ESYT2: variants seen among roughly 807,000 people sequenced by gnomAD.
The protein encoded by ESYT2 is extended synaptotagmin 2, also known as extended synaptotagmin-2.
ESYT2 carries 54 observed loss-of-function variants against 107.2 expected under a neutral mutation model. The observed-to-expected ratio is 0.50, with a 90% CI of 0.40 to 0.63. The LOEUF is 0.63. Ranked by LOEUF, ESYT2 falls within the 30% of genes least tolerant of loss-of-function variation. The pLI, the probability that ESYT2 is intolerant of heterozygous loss-of-function variation, is 0.00. For missense variants in ESYT2, 1,020 were observed against 1,094.5 expected, an observed-to-expected ratio of 0.93 and a Z score of 0.96; for synonymous variants, 491 against 434.1, an observed-to-expected ratio of 1.13 and a Z score of -1.63.
intron 1 of ESYT2, among the ~76,000 whole-genome samples, chr7:158,818,468 C>A (rs1223953263): frequency 1.3e-5 from 2 of 152,186 alleles, no homozygotes; most frequent in African/African-American, 4.8e-5. Flanking sequence ...CGTAAACAAA[C>A]CACGGTGGAA....
At chr7:158,747,218 C>T (rs1405825417) in intron 16 of ESYT2, among the ~76,000 whole-genome samples, 6 of 150,892 alleles carry the variant, frequency 4.0e-5, no homozygotes, top group African/African-American at 4.9e-5. Flanking sequence ...TGTGGTGGCG[C>T]GCACCTGTAA....
rs1837207628 is a variant in ESYT2, at chr7:158,741,572, G to A, written c.2119C>T (p.Leu707=). The A allele has an allele frequency of 6.2e-7, 1 of 1,606,396 alleles. No homozygotes were observed. Among genetic ancestry groups the A allele is most frequent in the African/African-American group, 1.3e-5 (1 of 74,942 alleles). The part of the protein sequence containing the change: ...PTPSIASDIS[L]PIATQELRQR... ...CGCAGCTCCTGGGTGGCGATGGGCAGCGAGATGTCCGAGGCGATGCTGGGG... is the reference window on the plus strand; with the variant it reads ...CGCAGCTCCTGGGTGGCGATGGGCAACGAGATGTCCGAGGCGATGCTGGGG... Residue 707 remains leucine (L), a synonymous_variant, in exon 18 of 23, where the codon CTG becomes TTG. Transcript: ENST00000275418.
intron 1 of ESYT2, among the ~76,000 whole-genome samples, chr7:158,817,481 C>T (rs1429641881): frequency 2.0e-5 from 3 of 152,266 alleles, no homozygotes; most frequent in Non-Finnish European, 2.9e-5. Flanking sequence ...TCCAGGTGTC[C>T]CACCTTGCTG....
At chr7:158,782,371 T>A (rs1838905160) in intron 6 of ESYT2, among the ~76,000 whole-genome samples, 1 of 110,308 alleles carries the variant, frequency 9.1e-6, no homozygotes, top group Non-Finnish European at 1.8e-5. Context: ...TGAACGAGTG[T>A]GAGAACAAAG....
rs956139440 is a variant in ESYT2, at chr7:158,733,592, C to T, written c.*615G>A. On this transcript the variant is annotated 3_prime_UTR_variant, in exon 23 of 23. Coordinates refer to ENST00000275418, the MANE Select transcript of ESYT2 (RefSeq NM_001367773.1). ...TTCAACTTACTTCTCAATAATACATCCTTATATTTATGAAAATGTTAATAT... is the reference window on the plus strand; with the variant it reads ...TTCAACTTACTTCTCAATAATACATTCTTATATTTATGAAAATGTTAATAT... The T allele has an allele frequency of 2.6e-5, 4 of 152,150 alleles. No homozygotes were observed. Among genetic ancestry groups the T allele is most frequent in the African/African-American group, 7.2e-5 (3 of 41,422 alleles). 9.4% of individuals were successfully genotyped at this position (152,150 alleles called of 1,614,324 possible). A position where few individuals can be genotyped will look rare whatever the true frequency, so the allele number is the denominator to read the frequency against.
chr7:158,746,791 G>A (rs1333258709), intron 16 of ESYT2, among the ~76,000 whole-genome samples: 1 of 152,178 alleles, frequency 6.6e-6, no homozygotes, highest in African/African-American at 2.4e-5. Context: ...CCAGCACTTG[G>A]GGAAGCAGAA....
chr7:158,783,136 G>A (rs1390815746), intron 6 of ESYT2, among the ~76,000 whole-genome samples: 2 of 152,150 alleles, frequency 1.3e-5, no homozygotes, highest in Non-Finnish European at 2.9e-5. Flanking sequence ...AGGACAGGAA[G>A]TCACCTCTGA....
intron 16 of ESYT2, 28 bp from the exon 17 acceptor site, chr7:158,743,706 C>T: frequency 6.3e-7 from 1 of 1,597,548 alleles, no homozygotes; most frequent in South Asian, 1.1e-5. Context: ...GAAACACTGG[C>T]ATAACTAGGA....
intron 4 of ESYT2, among the ~76,000 whole-genome samples, chr7:158,793,109 A>G (rs1839360972): frequency 6.6e-6 from 1 of 151,962 alleles, no homozygotes; most frequent in South Asian, 2.1e-4. Context: ...TATGGTTTTT[A>G]TTATGTTGAG....
chr7:158,786,474 T>C (rs1264514267), intron 6 of ESYT2, among the ~76,000 whole-genome samples: 2 of 152,192 alleles, frequency 1.3e-5, no homozygotes, highest in Admixed American at 6.5e-5. Context: ...ACTTCCTGAA[T>C]AGTAAAATTT....
chr7:158,753,211 A>G (rs1837638574), intron 13 of ESYT2, among the ~76,000 whole-genome samples: 1 of 152,162 alleles, frequency 6.6e-6, no homozygotes, highest in Non-Finnish European at 1.5e-5. Context: ...TCATAATTAA[A>G]GGTTTTATTT....
chr7:158,809,284 T>C (rs1667688118), intron 1 of ESYT2, among the ~76,000 whole-genome samples: 1 of 151,944 alleles, frequency 6.6e-6, no homozygotes, highest in Non-Finnish European at 1.5e-5. Context: ...AAGACCATCC[T>C]GGCCAACATG....
intron 7 of ESYT2, among the ~76,000 whole-genome samples, chr7:158,771,509 C>A (rs187975821): frequency 6.6e-6 from 1 of 152,200 alleles, no homozygotes; most frequent in East Asian, 1.9e-4. Context: ...CTTGCACACA[C>A]AAGTTGGGCG....
rs975422148 is a variant in ESYT2, at chr7:158,735,881, G to A, written c.2400-273C>T. ...GCTCACTCACGGGTGGGTGAGGAGC[G>A]TCTCTCAACATGTCTGACTCTTCCA... On this transcript the variant is annotated intron_variant, in intron 20 of 22. Transcript: ENST00000275418. Among the ~76,000 whole-genome samples the A allele has an allele frequency of 1.3e-4, 20 of 152,186 alleles. 1 individual carries two copies. The highest frequency in any genetic ancestry group is 9.8e-4 in the Admixed American group (15 of 15,284).
intron 18 of ESYT2, among the ~76,000 whole-genome samples, chr7:158,739,507 C>G (rs1037329800): frequency 6.6e-6 from 1 of 152,088 alleles, no homozygotes; most frequent in African/African-American, 2.4e-5. Flanking sequence ...CCACCACGCC[C>G]AGCTAATTTT....
chr7:158,798,192 GA>G, intron 2 of ESYT2, 116 bp from the exon 3 acceptor site: 1 of 1,102,702 alleles, frequency 9.1e-7, no homozygotes, highest in Non-Finnish European at 1.3e-6. Flanking sequence ...TAAAGGGCGG[GA>G]GGATCTTGTT....
At chr7:158,782,943 G>A (rs569793507) in intron 6 of ESYT2, among the ~76,000 whole-genome samples, 137 of 152,318 alleles carry the variant, frequency 9.0e-4, no homozygotes, top group African/African-American at 3.0e-3. Flanking sequence ...TGAGGGCACC[G>A]TGGAGAAGCC....
At chr7:158,807,176 G>A (rs1014804227) in intron 1 of ESYT2, among the ~76,000 whole-genome samples, 2 of 150,778 alleles carry the variant, frequency 1.3e-5, no homozygotes, top group East Asian at 1.9e-4. Context: ...GCATGAACCC[G>A]GGAGGCAGGG....
chr7:158,822,473 T>C lies in ESYT2; in HGVS notation c.330+6616A>G, dbSNP rs190313157. The stretch of plus-strand genomic sequence containing the variant: ...AGTATAGCATCCGTGTTTAAGGGAC[T>C]ATTAGAGGCCCGAGGTGGTGGCTCA... On this transcript the variant is annotated intron_variant, in intron 1 of 22. Transcript: ENST00000275418. Among the ~76,000 whole-genome samples the C allele has an allele frequency of 4.6e-5, 7 of 152,322 alleles. No homozygotes were observed. The East Asian group carries it at 1.3e-3, about 29-fold the overall frequency.
Sources: gnomAD v4.1 joint callset for allele counts (sites outside exome capture counted in the v4.1 genomes callset) on GRCh38, gnomAD v4.1.1 for gene constraint, MANE v1.5 for transcripts, NCBI Gene and HGNC (gene_info 2026-07-23, HGNC 2026-07-21) for gene names.